Variants in MTSS2 observed in about 807,000 individuals in gnomAD.
MTSS2 encodes MTSS I-BAR domain containing 2.
In MTSS2, 27 loss-of-function variants were observed where a neutral mutation model predicts 67.1. The observed-to-expected ratio is 0.40, with a 90% CI of 0.30 to 0.55. The LOEUF (loss-of-function observed/expected upper bound fraction) is 0.55. MTSS2 is among the 20% of genes least tolerant of loss of function. The pLI is 0.43. For synonymous variants in MTSS2, 624 were observed against 468.6 expected (o/e 1.33, Z -4.28); for missense variants, 1,171 against 1,067.8 (o/e 1.10, Z -1.35).
chr16:70,680,314 C>G (rs972221174), intron 3 of MTSS2, among the ~76,000 whole-genome samples: 2 of 152,112 alleles, frequency 1.3e-5, no homozygotes, highest in Admixed American at 6.5e-5. Context: ...CGCCAAAGAC[C>G]GTTCCAGGAG....
At chr16:70,677,040 G>GCC (rs371959538) in intron 9 of MTSS2, 62 bp from the exon 10 acceptor site, 18 of 1,231,360 alleles carry the variant, frequency 1.5e-5, no homozygotes, top group Middle Eastern at 2.0e-4. Context: ...AGGGCCAGAG[G>GCC]CCCCCCCCCA....
chr16:70,679,352 G>A (rs1310395910), intron 6 of MTSS2, 29 bp from the exon 7 acceptor site: 2 of 1,613,390 alleles, frequency 1.2e-6, no homozygotes, highest in African/African-American at 1.3e-5. Flanking sequence ...AGGAGAGGAG[G>A]AGAGACAGAG....
At position 70,678,410 on chromosome 16, in the gene MTSS2, C is replaced by G; in HGVS notation, c.467-1G>C. The G allele has an allele frequency of 6.2e-7, 1 of 1,608,882 alleles. No individual in the cohort carries two copies. Among genetic ancestry groups the G allele is most frequent in the Non-Finnish European group, 8.5e-7 (1 of 1,177,756 alleles). On this transcript the variant is annotated splice_acceptor_variant, in intron 7 of 14. Coordinates refer to ENST00000338779, the MANE Select transcript of MTSS2 (RefSeq NM_138383.3). LOFTEE classifies it high-confidence loss of function. ...AGCTGGGGCTGCAGGTCTCCTTTCC[C>G]TGGAGGGGTGGGGAGGAGAGGCCTT...
At chr16:70,668,270 C>G (rs1016522816) in intron 11 of MTSS2, among the ~76,000 whole-genome samples, 10 of 151,706 alleles carry the variant, frequency 6.6e-5, no homozygotes, top group Non-Finnish European at 1.5e-4. Flanking sequence ...AATTAGCTGG[C>G]TGTGGTGGTG....
chr16:70,672,832 G>A (rs114437039), intron 11 of MTSS2, among the ~76,000 whole-genome samples: 9,688 of 152,092 alleles, frequency 0.064, 855 homozygotes, highest in African/African-American at 0.2. Flanking sequence ...TGGAATCCCT[G>A]AGGACAGAAT....
rs180786428 is a variant in MTSS2, at chr16:70,667,398, T to A, written c.1054-1858A>T. On this transcript the variant is annotated intron_variant, in intron 11 of 14. Coordinates refer to ENST00000338779, the MANE Select transcript of MTSS2 (RefSeq NM_138383.3). ...AGGGGTTAACCCTTTAACAAGATTA[T>A]TAGAACAAAATCCGAAAAAGATCAA... 3.9e-5 allele frequency among the ~76,000 whole-genome samples: 6 copies of A among 152,020 alleles called. No homozygotes were observed. In the East Asian group the frequency reaches 7.7e-4, roughly 20 times the overall value.
chr16:70,664,249 G>T lies in MTSS2; in HGVS notation c.1672C>A (p.Pro558Thr). 1.9e-6 allele frequency: 3 copies of T among 1,562,736 alleles called. No homozygotes were observed. The highest frequency in any genetic ancestry group is 1.2e-5 in the South Asian group (1 of 83,350). The change falls in exon 15 of 15, where the codon CCC becomes ACC. Residue 558 changes from proline to threonine, a missense_variant. Coordinates refer to ENST00000338779, the MANE Select transcript of MTSS2 (RefSeq NM_138383.3). Reference sequence around the variant, plus strand: ...CGGCGGATGGTGGCCACGCCGGGGGGTGCGCCCGAGGGCAGGCCAGTGGCC... The same window carrying T: ...CGGCGGATGGTGGCCACGCCGGGGGTTGCGCCCGAGGGCAGGCCAGTGGCC... ...PTATGLPSGA[P>T]PGVATIRRTP... is the part of the protein sequence containing the mutation.
intron 11 of MTSS2, among the ~76,000 whole-genome samples, chr16:70,668,465 G>C (rs1204231569): frequency 1.3e-5 from 2 of 152,018 alleles, no homozygotes; most frequent in African/African-American, 4.8e-5. Context: ...AGATGGTGTG[G>C]CATTGGTATA....
At chr16:70,682,126 A>G (rs2053321379) in intron 1 of MTSS2, among the ~76,000 whole-genome samples, 2 of 152,148 alleles carry the variant, frequency 1.3e-5, no homozygotes. Context: ...TGGGAAGGAG[A>G]CAGGGCGGCT....
Position 70,663,414 on chromosome 16 carries a change from G to A in MTSS2, c.*263C>T. Reference sequence around the variant, plus strand: ...GGTAGGGAAGAGGCAGGGCCCCAGAGGAGGAAGAGGAGGGACCGAAGAGCA... The same window carrying A: ...GGTAGGGAAGAGGCAGGGCCCCAGAAGAGGAAGAGGAGGGACCGAAGAGCA... On this transcript the variant is annotated 3_prime_UTR_variant, in exon 15 of 15. Transcript: ENST00000338779. 1 of 533,856 alleles carries A rather than the reference G, an allele frequency of 1.9e-6. No homozygotes were observed. The highest frequency in any genetic ancestry group is 3.2e-6 in the Non-Finnish European group (1 of 316,932). 33.1% of individuals were successfully genotyped at this position (533,856 alleles called of 1,614,324 possible). A position where few individuals can be genotyped will look rare whatever the true frequency, so the allele number is the denominator to read the frequency against.
chr16:70,685,802 G>T lies in MTSS2; in HGVS notation c.-11C>A, dbSNP rs1287877434. On this transcript the variant is annotated 5_prime_UTR_variant, in exon 1 of 15. Transcript: ENST00000338779. ...CTCCGCCGTCTCCATGCTCTGGCTG[G>T]GCCGGGCCGCGGCGGCGGCTAGGCG... 1 of 1,321,436 alleles carries T rather than the reference G, an allele frequency of 7.6e-7. No homozygotes were observed. The allele number at this position is 1,321,436 out of a possible 1,614,324, so 81.9% of individuals were successfully genotyped here.
chr16:70,681,115 C>T, intron 1 of MTSS2, 90 bp from the exon 2 acceptor site: 2 of 1,270,042 alleles, frequency 1.6e-6, no homozygotes, highest in Middle Eastern at 2.0e-4. Context: ...TCCATCCAGA[C>T]TTGGGGCAGT....
chr16:70,672,431 G>T, intron 11 of MTSS2, among the ~76,000 whole-genome samples: 1 of 151,230 alleles, frequency 6.6e-6, no homozygotes, highest in Non-Finnish European at 1.5e-5. Context: ...GGACCAGCAG[G>T]ACAGGAGAGA....
chr16:70,669,818 TAA>T (rs3058050), intron 11 of MTSS2, among the ~76,000 whole-genome samples: 1 of 145,814 alleles, frequency 6.9e-6, no homozygotes, highest in Non-Finnish European at 1.5e-5. Context: ...CTCTGTCTCA[TAA>T]AAAAAAAAGT....
chr16:70,675,316 G>A (rs1217718912), intron 10 of MTSS2, among the ~76,000 whole-genome samples: 1 of 151,862 alleles, frequency 6.6e-6, no homozygotes, highest in Non-Finnish European at 1.5e-5. Context: ...CCAGCTACTT[G>A]GGAAGCTGAG....
intron 11 of MTSS2, among the ~76,000 whole-genome samples, chr16:70,669,614 A>G (rs2052850719): frequency 6.6e-6 from 1 of 151,982 alleles, no homozygotes. Context: ...TCATGAGTTC[A>G]AGACCAGCCT....
chr16:70,666,107 G>A (rs563621823), intron 11 of MTSS2, among the ~76,000 whole-genome samples: 66 of 152,294 alleles, frequency 4.3e-4, no homozygotes, highest in African/African-American at 1.5e-3. Context: ...AGTTAGACAA[G>A]ATTCAAGGGC....
At chr16:70,672,113 C>T (rs779920296) in intron 11 of MTSS2, among the ~76,000 whole-genome samples, 3 of 151,868 alleles carry the variant, frequency 2.0e-5, no homozygotes, top group Admixed American at 6.6e-5. Context: ...TTTGGGAGGC[C>T]GAAGTGGGCA....
chr16:70,665,378 C>T lies in MTSS2; in HGVS notation c.1128+88G>A, dbSNP rs1390567775. 4.3e-6 allele frequency: 6 copies of T among 1,380,520 alleles called. No individual in the cohort carries two copies. In the African/African-American group the frequency reaches 8.6e-5, roughly 20 times the overall value. 85.5% of individuals were successfully genotyped at this position (1,380,520 alleles called of 1,614,324 possible). A position where few individuals can be genotyped will look rare whatever the true frequency, so the allele number is the denominator to read the frequency against. On this transcript the variant is annotated intron_variant, in intron 12 of 14. Transcript: ENST00000338779. ...CACGCACCCCTGGCTGAACCCAGGC[C>T]CTTTGTGCAGTAATGGCACCAGGTG...
Sources: allele counts gnomAD v4.1 joint callset (sites outside exome capture counted in the v4.1 genomes callset), GRCh38; gene constraint gnomAD v4.1.1; transcripts MANE v1.5; gene names NCBI Gene and HGNC (gene_info 2026-07-23, HGNC 2026-07-21).